Variants in EFCAB6 observed in about 807,000 individuals in gnomAD.
EFCAB6 encodes the protein EF-hand calcium binding domain 6.
In EFCAB6, 156 loss-of-function variants were observed where a neutral mutation model predicts 169.8. The ratio of observed to expected loss-of-function variants is 0.92; its 90% confidence interval spans 0.81 to 1.05. The LOEUF is 1.05. Among genes scored for constraint, EFCAB6 ranks in the 50% least tolerant of loss-of-function variants. The pLI, the probability that EFCAB6 is intolerant of heterozygous loss-of-function variation, is 0.00. For synonymous variants in EFCAB6, 698 were observed against 676.4 expected (o/e 1.03, Z -0.50); for missense variants, 1,800 against 1,829.1 (o/e 0.98, Z 0.29).
At chr22:43,603,039 A>G (rs1313318343) in intron 22 of EFCAB6, among the ~76,000 whole-genome samples, 1 of 152,036 alleles carries the variant, frequency 6.6e-6, no homozygotes, top group Non-Finnish European at 1.5e-5. Flanking sequence ...GAGCTACGTT[A>G]TCCATTCATG....
Position 43,782,170 on chromosome 22 carries a change from G to A in EFCAB6, c.139+10C>T, listed in dbSNP as rs201631020. On this transcript the variant is annotated intron_variant, in intron 3 of 31. Transcript: ENST00000262726. ...ACAGTTAGTGTTCTTATTTGCTCAT[G>A]AATACTTACTTGAAGAAGATCTGAA... 3.1e-6 allele frequency: 5 copies of A among 1,610,134 alleles called. No individual in the cohort carries two copies. In the East Asian group the frequency reaches 8.9e-5, roughly 29 times the overall value.
rs934307435 is a variant in EFCAB6, at chr22:43,572,792, G to A, written c.3420+3505C>T. ...CACTCACTCCTGCTCTGTCCCCCTC[G>A]CTAGAATGGGGGCTTCTGGAGGCAG... On this transcript the variant is annotated intron_variant, in intron 26 of 31. Transcript: ENST00000262726. The surrounding 1 kb of genome is among the most constrained non-coding windows in gnomAD (Gnocchi z 4.0). Among the ~76,000 whole-genome samples the A allele has an allele frequency of 2.6e-5, 4 of 152,136 alleles. No individual in the cohort carries two copies. The highest frequency in any genetic ancestry group is 4.1e-4 in the South Asian group (2 of 4,830).
At chr22:43,751,092 G>A (rs1005353395) in intron 6 of EFCAB6, among the ~76,000 whole-genome samples, 15 of 152,172 alleles carry the variant, frequency 9.9e-5, no homozygotes, top group Admixed American at 7.9e-4. Context: ...GTAGTGACAC[G>A]GTACAAGAGC....
At chr22:43,598,361 A>T (rs2052219548) in intron 23 of EFCAB6, among the ~76,000 whole-genome samples, 1 of 150,434 alleles carries the variant, frequency 6.6e-6, no homozygotes, top group South Asian at 2.1e-4. Context: ...ACAGATAAAG[A>T]GTAAATTACC....
chr22:43,534,305 GC>G (rs1460181584), intron 30 of EFCAB6, among the ~76,000 whole-genome samples: 1 of 152,166 alleles, frequency 6.6e-6, no homozygotes, highest in Non-Finnish European at 1.5e-5. Context: ...AGACGTGCTT[GC>G]CTCCCCCTTC....
intron 8 of EFCAB6, among the ~76,000 whole-genome samples, chr22:43,720,737 A>G (rs1409483034): frequency 2.6e-5 from 4 of 152,030 alleles, no homozygotes; most frequent in Non-Finnish European, 4.4e-5. Flanking sequence ...AGAGGGGGAA[A>G]AAAGATCCTA....
chr22:43,788,071 A>G (rs1161354607), intron 2 of EFCAB6, among the ~76,000 whole-genome samples: 1 of 152,208 alleles, frequency 6.6e-6, no homozygotes, highest in Non-Finnish European at 1.5e-5. Flanking sequence ...ACCATATACA[A>G]AAATTAACTC....
At chr22:43,647,496 C>T (rs539696464) in intron 17 of EFCAB6, among the ~76,000 whole-genome samples, 9 of 152,324 alleles carry the variant, frequency 5.9e-5, no homozygotes, top group Non-Finnish European at 1.2e-4. Context: ...TCCCAGCCCT[C>T]AGGTGCCAGG....
chr22:43,759,410 C>T (rs1416027600), intron 5 of EFCAB6: 36 of 152,168 alleles, frequency 2.4e-4, no homozygotes, highest in Admixed American at 2.4e-3. Context: ...CCGTTTTGTA[C>T]ACGAACGATT....
chr22:43,765,378 A>G lies in EFCAB6; in HGVS notation c.367T>C (p.Ser123Pro). The G allele has an allele frequency of 3.1e-6, 5 of 1,612,066 alleles. No homozygotes were observed. Among genetic ancestry groups the G allele is most frequent in the Non-Finnish European group, 4.2e-6 (5 of 1,178,616 alleles). Residue 123 changes from serine (S) to proline (P), a missense_variant, in exon 5 of 32, where the codon TCT becomes CCT. Ser to Pro is a moderately conservative substitution (Grantham distance 74). Coordinates refer to ENST00000262726, the MANE Select transcript of EFCAB6 (RefSeq NM_022785.4). ...AAGGCAAGGTACGGTACAGTACCAG[A>G]GGTGCTAAGGGGGATCTACAGTCAA... Reference protein sequence around the residue: ...DVLAQIPLSTSGTVPYLAFLS... With the variant: ...DVLAQIPLSTPGTVPYLAFLS...
At chr22:43,624,271 C>T (rs879519219) in intron 20 of EFCAB6, among the ~76,000 whole-genome samples, 1 of 152,194 alleles carries the variant, frequency 6.6e-6, no homozygotes, top group Non-Finnish European at 1.5e-5. Context: ...GGGACCAAGT[C>T]AGTTCTCACT....
chr22:43,569,708 C>T (rs1184642297), intron 26 of EFCAB6, among the ~76,000 whole-genome samples: 1 of 152,254 alleles, frequency 6.6e-6, no homozygotes, highest in Non-Finnish European at 1.5e-5. Flanking sequence ...TGAGTTACCC[C>T]TCAAGACTTG....
chr22:43,804,417 A>G (rs1384842207), intron 2 of EFCAB6, among the ~76,000 whole-genome samples: 1 of 152,220 alleles, frequency 6.6e-6, no homozygotes, highest in African/African-American at 2.4e-5. Context: ...TCAAGGAGCT[A>G]GAAAAGCCAG....
chr22:43,601,489 G>A (rs374509947), intron 22 of EFCAB6, among the ~76,000 whole-genome samples: 7 of 152,334 alleles, frequency 4.6e-5, no homozygotes, highest in African/African-American at 1.7e-4. Context: ...CTCCCATCAG[G>A]ATGTTGCTTG....
intron 17 of EFCAB6, among the ~76,000 whole-genome samples, chr22:43,638,919 G>A (rs1485355008): frequency 6.6e-6 from 1 of 151,868 alleles, no homozygotes; most frequent in Non-Finnish European, 1.5e-5. Flanking sequence ...CCGAGTAGCT[G>A]GGATTACAGA....
At position 43,632,909 on chromosome 22, in the gene EFCAB6, T is replaced by C. The variant is rs536740720; in HGVS notation, c.2099-671A>G. Among the ~76,000 whole-genome samples the C allele has an allele frequency of 1.0e-3, 158 of 152,320 alleles. 1 individual carries two copies. Among genetic ancestry groups the C allele is most frequent in the African/African-American group, 3.6e-3 (151 of 41,574 alleles). On this transcript the variant is annotated intron_variant, in intron 18 of 31. Coordinates refer to ENST00000262726, the MANE Select transcript of EFCAB6 (RefSeq NM_022785.4). The stretch of plus-strand genomic sequence containing the variant: ...CTCTTTTTTGTTTCCTGGAATCATG[T>C]CCTAAAGACAAGAATATAGAATTCA...
Position 43,616,208 on chromosome 22 carries a change from G to A in EFCAB6, c.2466-286C>T, listed in dbSNP as rs568552683. Among the ~76,000 whole-genome samples, 652 of 152,278 alleles carry A rather than the reference G, an allele frequency of 4.3e-3. 4 individuals are homozygous for A. The highest frequency in any genetic ancestry group is 0.034 in the Middle Eastern group (10 of 294). On this transcript the variant is annotated intron_variant, in intron 20 of 31. Coordinates refer to ENST00000262726, the MANE Select transcript of EFCAB6 (RefSeq NM_022785.4). The stretch of plus-strand genomic sequence containing the variant: ...AGGGCTCATTTATTCTCAGAAGGGG[G>A]AAAACACAATATAACATTAAGTGTC...
chr22:43,771,323 G>T (rs865882036), intron 4 of EFCAB6, among the ~76,000 whole-genome samples: 2 of 152,052 alleles, frequency 1.3e-5, no homozygotes, highest in Non-Finnish European at 2.9e-5. Context: ...CCCACTATTC[G>T]GGAGGCTGAG....
chr22:43,689,009 T>C (rs749265135), intron 10 of EFCAB6, among the ~76,000 whole-genome samples: 30 of 152,072 alleles, frequency 2.0e-4, no homozygotes, highest in Non-Finnish European at 2.8e-4. Context: ...AGAAAATCTT[T>C]TGGTATGCTT....
Sources: allele counts gnomAD v4.1 joint callset (sites outside exome capture counted in the v4.1 genomes callset), GRCh38; gene constraint gnomAD v4.1.1; non-coding constraint Gnocchi (gnomAD v3.1); transcripts MANE v1.5; gene names NCBI Gene and HGNC (gene_info 2026-07-23, HGNC 2026-07-21).